Variants in RNF216 observed in about 807,000 individuals in gnomAD.
RNF216 encodes the protein ring finger protein 216.
Under a neutral mutation model 110.8 loss-of-function variants are expected in RNF216, and 72 were observed. The ratio of observed to expected loss-of-function variants is 0.65; its 90% CI spans 0.54 to 0.79. The LOEUF (loss-of-function observed/expected upper bound fraction) is 0.79, where lower values mean the gene tolerates loss of function less well. RNF216 is among the 30% of genes least tolerant of loss of function. The pLI, the probability that RNF216 is intolerant of heterozygous loss-of-function variation, is 0.00. For missense variants in RNF216, 1,342 were observed against 1,141.2 expected (o/e 1.18, Z -2.54); for synonymous variants, 495 against 407.5 (o/e 1.21, Z -2.59).
At chr7:5,775,246 C>T (rs1228444793) in intron 1 of RNF216, 2 of 152,084 alleles carry the variant, frequency 1.3e-5, no homozygotes, top group African/African-American at 2.4e-5. Context: ...ATATGGGAAA[C>T]AAAGGAAGTC....
chr7:5,713,912 C>G (rs1028103796), intron 11 of RNF216, among the ~76,000 whole-genome samples: 1 of 152,188 alleles, frequency 6.6e-6, no homozygotes, highest in Non-Finnish European at 1.5e-5. Flanking sequence ...TTAAATTGCT[C>G]AAGATCACAG....
chr7:5,684,995 C>T (rs901591657), intron 13 of RNF216, among the ~76,000 whole-genome samples: 9 of 152,078 alleles, frequency 5.9e-5, no homozygotes, highest in Non-Finnish European at 1.2e-4. Context: ...GCAGTCTTTA[C>T]ACAGCATAGG....
intron 11 of RNF216, among the ~76,000 whole-genome samples, chr7:5,714,246 C>T (rs1187859131): frequency 6.6e-6 from 1 of 152,066 alleles, no homozygotes; most frequent in East Asian, 1.9e-4. Flanking sequence ...CAGGCATAAG[C>T]CACAGCGCCT....
chr7:5,721,445 C>A (rs554574498), intron 8 of RNF216, among the ~76,000 whole-genome samples: 3 of 152,280 alleles, frequency 2.0e-5, no homozygotes, highest in African/African-American at 7.2e-5. Flanking sequence ...TGTGAATATA[C>A]CACAATTTAT....
intron 13 of RNF216, 47 bp downstream of exon 13, chr7:5,711,714 T>C: frequency 1.3e-6 from 2 of 1,511,932 alleles, no homozygotes; most frequent in East Asian, 2.3e-5. Context: ...GGGCAGCCCA[T>C]AATACCATAA....
chr7:5,681,583 ACCCACTGAC>A lies in RNF216; in HGVS notation c.2062-29082_2062-29074del, dbSNP rs921097457. On this transcript the variant is annotated intron_variant, in intron 13 of 16. Transcript: ENST00000389902. The stretch of plus-strand genomic sequence containing the variant: ...GTCTTCCTCCTCCTTGATTAACCCT[ACCCACTGAC>A]CACACTGACAACCTTTCAATGTTGT... Among the ~76,000 whole-genome samples the A allele has an allele frequency of 5.8e-4, 89 of 152,254 alleles. 1 individual carries two copies. Among genetic ancestry groups the A allele is most frequent in the African/African-American group, 1.9e-3 (80 of 41,548 alleles).
intron 15 of RNF216, among the ~76,000 whole-genome samples, chr7:5,639,975 G>A (rs1055573287): frequency 1.7e-4 from 26 of 151,490 alleles, no homozygotes; most frequent in Non-Finnish European, 7.4e-5. Flanking sequence ...TAGCCAGGAT[G>A]GTCTCGATCT....
At chr7:5,687,937 C>T (rs534652236) in intron 13 of RNF216, among the ~76,000 whole-genome samples, 20 of 152,332 alleles carry the variant, frequency 1.3e-4, no homozygotes, top group Middle Eastern at 6.8e-3. Context: ...TGTCCAGAAT[C>T]CCGGACTGTC....
intron 2 of RNF216, among the ~76,000 whole-genome samples, chr7:5,757,857 A>G (rs534960464): frequency 7.2e-5 from 11 of 152,280 alleles, no homozygotes; most frequent in African/African-American, 2.2e-4. Flanking sequence ...ATGCATAATA[A>G]AAAATTATTA....
intron 13 of RNF216, among the ~76,000 whole-genome samples, chr7:5,707,718 G>GTTTTT (rs35372254): frequency 4.3e-4 from 40 of 92,852 alleles, no homozygotes; most frequent in Non-Finnish European, 5.8e-4. Context: ...TGTGTGTGTG[G>GTTTTT]TTTTTTTTTT....
intron 13 of RNF216, among the ~76,000 whole-genome samples, chr7:5,653,144 C>T (rs1584382833): frequency 1.4e-5 from 2 of 146,938 alleles, no homozygotes; most frequent in South Asian, 2.1e-4. Context: ...GACTTTCCTC[C>T]GTTGCTCATC....
chr7:5,641,280 A>G lies in RNF216; in HGVS notation c.2256T>C (p.Cys752=). 6.2e-7 allele frequency: 1 copy of G among 1,614,210 alleles called. No homozygotes were observed. The highest frequency in any genetic ancestry group is 8.5e-7 in the Non-Finnish European group (1 of 1,180,038). ...SEGCNRMSCR[C]GAQMCYLCRV... is the part of the protein sequence containing the mutation. ...GACAGAGGTAGCACATCTGGGCACC[A>G]CAGCGGCAAGACATGCGGTTGCAGC... The change falls in exon 15 of 17, where the codon TGT becomes TGC. Residue 752 remains cysteine, a synonymous_variant. Coordinates refer to ENST00000389902, the MANE Select transcript of RNF216 (RefSeq NM_207111.4).
Position 5,771,960 on chromosome 7 carries a change from G to A in RNF216, c.-70+9581C>T, listed in dbSNP as rs137938900. On this transcript the variant is annotated intron_variant, in intron 1 of 16. Coordinates refer to ENST00000389902, the MANE Select transcript of RNF216 (RefSeq NM_207111.4). ...AAACTAAAACCACAAGGGGCCGGGC[G>A]TGGTGGCTCACGCCTGTAATCCCAG... 4.4e-3 allele frequency among the ~76,000 whole-genome samples: 668 copies of A among 152,288 alleles called. 4 individuals carry two copies. The highest frequency in any genetic ancestry group is 0.015 in the African/African-American group (629 of 41,576).
chr7:5,682,495 C>T (rs1338717755), intron 13 of RNF216, among the ~76,000 whole-genome samples: 1 of 151,666 alleles, frequency 6.6e-6, no homozygotes, highest in Non-Finnish European at 1.5e-5. Flanking sequence ...GCAACCCCTG[C>T]TTCCTGGGTT....
At position 5,741,421 on chromosome 7, in the gene RNF216, T is replaced by C. The variant is rs750439671; in HGVS notation, c.596A>G (p.Gln199Arg). 3 of 1,614,084 alleles carry C rather than the reference T, an allele frequency of 1.9e-6. No homozygotes were observed. The highest frequency in any genetic ancestry group is 4.5e-5 in the East Asian group (2 of 44,904). ...TESDPLETQN[Q>R]SSEDSETELL... ...CTCTGTCTCTGAGTCTTCGGATGAC[T>C]GGTTCTGAGTTTCCAAAGGATCGCT... The change falls in exon 4 of 17, where the codon CAG (glutamine) becomes CGG (arginine). Residue 199 changes from glutamine (Q) to arginine (R), a missense_variant. Gln to Arg is a conservative substitution (Grantham distance 43, BLOSUM62 1). Transcript: ENST00000389902.
At chr7:5,669,298 C>A (rs1789744594) in intron 13 of RNF216, among the ~76,000 whole-genome samples, 1 of 152,210 alleles carries the variant, frequency 6.6e-6, no homozygotes, top group Non-Finnish European at 1.5e-5. Context: ...TGCTGATCCT[C>A]TGATACCTCT....
chr7:5,643,181 T>C (rs1009875011), intron 14 of RNF216, among the ~76,000 whole-genome samples: 8 of 152,134 alleles, frequency 5.3e-5, no homozygotes, highest in African/African-American at 1.7e-4. Flanking sequence ...GCTGAAATGT[T>C]AAACAGCTAT....
Position 5,741,828 on chromosome 7 carries a change from G to T in RNF216, c.202-13C>A. 2 of 1,577,880 alleles carry T rather than the reference G, an allele frequency of 1.3e-6. No homozygotes were observed. The highest frequency in any genetic ancestry group is 1.7e-6 in the Non-Finnish European group (2 of 1,166,124). On this transcript the variant is annotated splice_polypyrimidine_tract_variant and intron_variant, in intron 3 of 16. Coordinates refer to ENST00000389902, the MANE Select transcript of RNF216 (RefSeq NM_207111.4). ...GAGGTTTATTTGTCTAAGAAAAAAT[G>T]AAATTTTAATAATTCAATTTCTTTC...
chr7:5,684,510 C>T (rs1790857243), intron 13 of RNF216, among the ~76,000 whole-genome samples: 1 of 152,220 alleles, frequency 6.6e-6, no homozygotes, highest in South Asian at 2.1e-4. Flanking sequence ...GAAGCACCAG[C>T]TGCTGGCTTC....
Sources: allele counts gnomAD v4.1 joint callset (sites outside exome capture counted in the v4.1 genomes callset), GRCh38; gene constraint gnomAD v4.1.1; transcripts MANE v1.5; gene names NCBI Gene and HGNC (gene_info 2026-07-23, HGNC 2026-07-21).